NOMO3: variants seen among roughly 807,000 people sequenced by gnomAD.
The protein encoded by NOMO3 is NODAL modulator 3.
In NOMO3, 15 loss-of-function variants were observed where a neutral mutation model predicts 69.9. The ratio of observed to expected loss-of-function variants is 0.21; its 90% CI spans 0.14 to 0.33. The LOEUF (loss-of-function observed/expected upper bound fraction) is 0.33, where lower values mean the gene tolerates loss of function less well. NOMO3 is among the 10% of genes least tolerant of loss of function. The pLI, the probability that NOMO3 is intolerant of heterozygous loss-of-function variation, is 1.00. For missense variants in NOMO3, 218 were observed against 761.0 expected (o/e 0.29, Z 8.39); for synonymous variants, 89 against 301.9 (o/e 0.29, Z 7.31).
intron 4 of NOMO3, among the ~76,000 whole-genome samples, chr16:16,244,144 C>T (rs1184076681): frequency 7.0e-6 from 1 of 142,180 alleles, no homozygotes; most frequent in Non-Finnish European, 1.5e-5. Flanking sequence ...TTCCTTCCTT[C>T]CTGTCCTTCT....
chr16:16,254,959 T>G lies in NOMO3; in HGVS notation c.964-761T>G, dbSNP rs960459830. Among the ~76,000 whole-genome samples, 64 of 143,498 alleles carry G rather than the reference T, an allele frequency of 4.5e-4. 6 individuals carry two copies. The highest frequency in any genetic ancestry group is 4.1e-4 in the Admixed American group (6 of 14,808). The allele number at this position is 143,498 out of a possible 152,430, so 94.1% of individuals were successfully genotyped here. Reference sequence around the variant, plus strand: ...TTTCTTTGAGACAGAGTCTTGCTGCTTCACACAGGCTGGCACTATCTTGGC... The same window carrying G: ...TTTCTTTGAGACAGAGTCTTGCTGCGTCACACAGGCTGGCACTATCTTGGC... On this transcript the variant is annotated intron_variant, in intron 9 of 30. Transcript: ENST00000399336.
At chr16:16,252,271 A>G (rs567295767) in intron 8 of NOMO3, among the ~76,000 whole-genome samples, 162 bp from the exon 9 acceptor site, 4 of 143,530 alleles carry the variant, frequency 2.8e-5, no homozygotes, top group Non-Finnish European at 5.9e-5. Flanking sequence ...AATAGCTACA[A>G]AAAGGGCAAG....
intron 16 of NOMO3, among the ~76,000 whole-genome samples, chr16:16,267,750 A>C (rs1208980515): frequency 7.0e-6 from 1 of 143,044 alleles, no homozygotes; most frequent in Admixed American, 6.8e-5. Flanking sequence ...CTCTTTTATA[A>C]TGGCTTTTTT....
chr16:16,239,117 ATAAGTAAAATC>A (rs2049354586), intron 2 of NOMO3, among the ~76,000 whole-genome samples: 1 of 142,978 alleles, frequency 7.0e-6, no homozygotes, highest in Non-Finnish European at 1.5e-5. Flanking sequence ...ACCAGGGTTG[ATAAGTAAAATC>A]TAGTTTTATT....
chr16:16,235,307 A>G (rs2049318028), intron 1 of NOMO3, among the ~76,000 whole-genome samples: 1 of 150,176 alleles, frequency 6.7e-6, no homozygotes. Context: ...GAGCATTAAC[A>G]TTTTGGAGGT....
In NOMO3 at chr16:16,249,748, A is replaced by G. The variant is rs2049447410; in HGVS notation, c.583-1180A>G. On this transcript the variant is annotated intron_variant, in intron 6 of 30. Transcript: ENST00000399336. ...AAAGCATGTTGTTAGAAGTCAGGATAATGTTTATCTTCCTGGGGTGTTAGT... is the reference window on the plus strand; with the variant it reads ...AAAGCATGTTGTTAGAAGTCAGGATGATGTTTATCTTCCTGGGGTGTTAGT... Among the ~76,000 whole-genome samples the G allele has an allele frequency of 2.1e-5, 3 of 143,800 alleles. 1 individual carries two copies. In the South Asian group the frequency reaches 6.8e-4, roughly 33 times the overall value. 94.3% of individuals were successfully genotyped at this position (143,800 alleles called of 152,430 possible).
rs1180588275 is a variant in NOMO3, at chr16:16,252,828, ATTTTTTTTT to A, written c.963+321_963+329del. On this transcript the variant is annotated intron_variant, in intron 9 of 30. Transcript: ENST00000399336. ...AAAAATTCTTGTCCCTGTGGACCTC[ATTTTTTTTT>A]TTTTTTTTTTTTTTAAGACAGGGTC... Among the ~76,000 whole-genome samples, 16 of 66,678 alleles carry A rather than the reference ATTTTTTTTT, an allele frequency of 2.4e-4. 2 individuals are homozygous for A. The highest frequency in any genetic ancestry group is 1.2e-3 in the African/African-American group (16 of 12,948). The allele number at this position is 66,678 out of a possible 152,430, so 43.7% of individuals were successfully genotyped here.
chr16:16,235,000 G>C (rs1379242553), intron 1 of NOMO3, among the ~76,000 whole-genome samples: 2 of 151,898 alleles, frequency 1.3e-5, no homozygotes, highest in Admixed American at 1.3e-4. Context: ...CTCCCTAACC[G>C]GTCTAGTCTG....
At chr16:16,260,313 ATAT>A (rs1301859207) in intron 11 of NOMO3, among the ~76,000 whole-genome samples, 1 of 139,218 alleles carries the variant, frequency 7.2e-6, no homozygotes, top group Non-Finnish European at 1.5e-5. Context: ...TACATGTGAA[ATAT>A]TATCTTTCTT....
intron 11 of NOMO3, among the ~76,000 whole-genome samples, chr16:16,260,370 C>G (rs1010487306): frequency 7.2e-6 from 1 of 139,068 alleles, no homozygotes; most frequent in African/African-American, 3.1e-5. Flanking sequence ...GTGTAAAATT[C>G]TTTTTCTCGG....
At chr16:16,239,798 C>T (rs2141247074) in intron 2 of NOMO3, 53 bp from the exon 3 acceptor site, 1 of 493,080 alleles carries the variant, frequency 2.0e-6, no homozygotes, top group Non-Finnish European at 3.4e-6. Flanking sequence ...CTAAATTTAG[C>T]CAGAGTCACA....
At chr16:16,235,683 A>T (rs912198823) in intron 1 of NOMO3, among the ~76,000 whole-genome samples, 1 of 143,856 alleles carries the variant, frequency 7.0e-6, no homozygotes, top group African/African-American at 2.8e-5. Flanking sequence ...TGCCTAGCTA[A>T]TTTTTTTTCT....
At chr16:16,258,288 G>T (rs1474972165) in intron 11 of NOMO3, among the ~76,000 whole-genome samples, 1 of 134,628 alleles carries the variant, frequency 7.4e-6, no homozygotes, top group Admixed American at 7.3e-5. Context: ...GGCAAATGTT[G>T]TGCAGGGAAG....
At chr16:16,252,240 A>T in intron 8 of NOMO3, 140 bp downstream of exon 8, 6 of 1,548,662 alleles carry the variant, frequency 3.9e-6, no homozygotes, top group Non-Finnish European at 5.2e-6. Flanking sequence ...CTTACTTAAG[A>T]TGAGACACTC....
chr16:16,246,610 T>C (rs1286893560), intron 5 of NOMO3, among the ~76,000 whole-genome samples: 1 of 136,314 alleles, frequency 7.3e-6, no homozygotes, highest in Non-Finnish European at 1.5e-5. Context: ...AGGCAAGATT[T>C]GACACAATAA....
chr16:16,245,552 A>G (rs1386448539), intron 5 of NOMO3, among the ~76,000 whole-genome samples: 5 of 136,782 alleles, frequency 3.7e-5, no homozygotes, highest in African/African-American at 1.6e-4. Context: ...TATATCAAGT[A>G]GAGTCCCATG....
At chr16:16,270,558 G>A (rs1251432134) in intron 17 of NOMO3, among the ~76,000 whole-genome samples, 175 bp from the exon 18 acceptor site, 2 of 28,512 alleles carry the variant, frequency 7.0e-5, no homozygotes, top group African/African-American at 2.4e-4. Flanking sequence ...GTTGTGGAGT[G>A]GAGAATTAGT....
intron 16 of NOMO3, among the ~76,000 whole-genome samples, chr16:16,268,880 C>A (rs1286106371): frequency 2.1e-5 from 3 of 143,462 alleles, no homozygotes; most frequent in Non-Finnish European, 4.4e-5. Flanking sequence ...TTCCTTGCGC[C>A]CCCTCCTCCA....
Position 16,255,729 on chromosome 16 carries a change from C to G in NOMO3, c.973C>G (p.His325Asp), listed in dbSNP as rs753363908. The change falls in exon 10 of 31, where the codon CAC becomes GAC. Residue 325 changes from histidine (H) to aspartate (D), a missense_variant. Transcript: ENST00000399336. ...HDSLKIEPVF[H>D]VMGFSVTGRV... Reference sequence around the variant, plus strand: ...GTTCTTTGTTTTCTAGCCCGTGTTCCACGTCATGGGATTCTCCGTCACCGG... The same window carrying G: ...GTTCTTTGTTTTCTAGCCCGTGTTCGACGTCATGGGATTCTCCGTCACCGG... 12 of 1,591,090 alleles carry G rather than the reference C, an allele frequency of 7.5e-6. No individual in the cohort carries two copies. In the South Asian group the frequency reaches 1.1e-4, roughly 15 times the overall value.
Sources: allele counts gnomAD v4.1 joint callset (sites outside exome capture counted in the v4.1 genomes callset), GRCh38; gene constraint gnomAD v4.1.1; transcripts MANE v1.5; gene names NCBI Gene and HGNC (gene_info 2026-07-23, HGNC 2026-07-21).